The following CNTN6 variants were observed in gnomAD, a reference collection of about 807,000 sequenced individuals.
CNTN6 encodes contactin-6.
A neutral mutation model predicts 122.8 loss-of-function variants in CNTN6; 137 were observed. That is an observed-to-expected ratio of 1.12 (90% CI 0.97 to 1.29). The LOEUF (loss-of-function observed/expected upper bound fraction) is 1.29, where lower values mean the gene tolerates loss of function less well. Ranked by LOEUF, CNTN6 falls within the 50% of genes most tolerant of loss-of-function variation. The pLI is 0.00. For missense variants in CNTN6, 1,634 were observed against 1,223.4 expected, an observed-to-expected ratio of 1.34 and a Z score of -5.01; for synonymous variants, 570 against 426.0, an observed-to-expected ratio of 1.34 and a Z score of -4.16.
chr3:1,217,407 G>A (rs771727339), intron 2 of CNTN6, among the ~76,000 whole-genome samples: 1 of 152,166 alleles, frequency 6.6e-6, no homozygotes, highest in Non-Finnish European at 1.5e-5. Context: ...GTTGTGCATT[G>A]CACTGGAGGG....
intron 7 of CNTN6, among the ~76,000 whole-genome samples, chr3:1,303,277 G>T (rs1435964002): frequency 6.6e-6 from 1 of 152,152 alleles, no homozygotes; most frequent in Non-Finnish European, 1.5e-5. Flanking sequence ...TTGTATTTGA[G>T]TCTAGTTATC....
intron 2 of CNTN6, among the ~76,000 whole-genome samples, chr3:1,150,270 AAT>A (rs1430834451): frequency 6.6e-6 from 1 of 152,202 alleles, no homozygotes; most frequent in Non-Finnish European, 1.5e-5. Flanking sequence ...GCATAGTGAT[AAT>A]ATCTTGTTTT....
At chr3:1,321,374 T>C (rs562266650) in intron 7 of CNTN6, among the ~76,000 whole-genome samples, 2 of 151,326 alleles carry the variant, frequency 1.3e-5, no homozygotes, top group Admixed American at 6.6e-5. Flanking sequence ...CCCACTAGTC[T>C]GTAAGCAACA....
intron 4 of CNTN6, among the ~76,000 whole-genome samples, chr3:1,263,110 C>T (rs2094873909): frequency 6.6e-6 from 1 of 151,966 alleles, no homozygotes; most frequent in Admixed American, 6.6e-5. Context: ...TTTATAGATC[C>T]ATTCACCCAT....
At chr3:1,253,751 A>T (rs961542264) in intron 4 of CNTN6, among the ~76,000 whole-genome samples, 3 of 152,128 alleles carry the variant, frequency 2.0e-5, no homozygotes, top group African/African-American at 7.2e-5. Flanking sequence ...AGGAGGCAGA[A>T]TTCAGGCGGT....
chr3:1,243,493 G>T (rs1230177443), intron 4 of CNTN6, among the ~76,000 whole-genome samples: 1 of 152,016 alleles, frequency 6.6e-6, no homozygotes, highest in Non-Finnish European at 1.5e-5. Context: ...TTTAATGTCG[G>T]GAGCAGATTG....
At chr3:1,391,678 C>T (rs1694170395) in intron 20 of CNTN6, among the ~76,000 whole-genome samples, 1 of 150,958 alleles carries the variant, frequency 6.6e-6, no homozygotes, top group Non-Finnish European at 1.5e-5. Flanking sequence ...CCCAAAATCT[C>T]CTTAAGCTGA....
At position 1,403,327 on chromosome 3, in the gene CNTN6, C is replaced by T; in HGVS notation, c.2996C>T (p.Ser999Phe). 1 of 1,605,120 alleles carries T rather than the reference C, an allele frequency of 6.2e-7. No individual in the cohort carries two copies. Residue 999 changes from serine to phenylalanine, a missense_variant, in exon 23 of 23, where the codon TCC becomes TTC. Transcript: ENST00000446702. ...IRIPKMSSLS[S>F]RGIQFLEPST... is the part of the protein sequence containing the mutation. ...TTTTTATATTTTGCAGGTTTGAGTT[C>T]CAGAGGAATTCAATTCTTAGAACCT...
chr3:1,332,056 C>T (rs1419319957), intron 11 of CNTN6, among the ~76,000 whole-genome samples: 1 of 151,926 alleles, frequency 6.6e-6, no homozygotes, highest in African/African-American at 2.4e-5. Flanking sequence ...ATTATTCTTT[C>T]ATTCTATCTT....
At chr3:1,364,860 C>G (rs1707984408) in intron 12 of CNTN6, among the ~76,000 whole-genome samples, 1 of 151,926 alleles carries the variant, frequency 6.6e-6, no homozygotes, top group South Asian at 2.1e-4. Context: ...AAGAATAGGA[C>G]TGCTAGATGA....
chr3:1,207,352 A>G (rs2093971811), intron 2 of CNTN6, among the ~76,000 whole-genome samples: 1 of 152,176 alleles, frequency 6.6e-6, no homozygotes, highest in Non-Finnish European at 1.5e-5. Flanking sequence ...GAATCCAATT[A>G]TTATACATCT....
intron 4 of CNTN6, among the ~76,000 whole-genome samples, chr3:1,244,518 C>A: frequency 6.6e-6 from 1 of 151,764 alleles, no homozygotes; most frequent in South Asian, 2.1e-4. Flanking sequence ...CTTGGCCCTG[C>A]CCCAGGAAAG....
At chr3:1,385,883 C>CTCATT in intron 20 of CNTN6, 86 bp downstream of exon 20, 1 of 1,260,626 alleles carries the variant, frequency 7.9e-7, no homozygotes. Flanking sequence ...ATTCCCACAC[C>CTCATT]TCATTTCTTT....
intron 1 of CNTN6, among the ~76,000 whole-genome samples, chr3:1,123,255 C>T (rs981033744): frequency 6.6e-6 from 1 of 151,778 alleles, no homozygotes; most frequent in East Asian, 1.9e-4. Flanking sequence ...ACATCTTAAC[C>T]ACATTAAGCC....
intron 20 of CNTN6, among the ~76,000 whole-genome samples, chr3:1,391,561 T>G (rs1282147407): frequency 7.1e-6 from 1 of 140,828 alleles, no homozygotes; most frequent in Non-Finnish European, 1.5e-5. Context: ...CCAGGGCAAT[T>G]AGGCAGGAGA....
chr3:1,245,475 G>A (rs956836588), intron 4 of CNTN6, among the ~76,000 whole-genome samples: 27 of 148,368 alleles, frequency 1.8e-4, no homozygotes, highest in African/African-American at 4.2e-4. Context: ...TTCATATGTG[G>A]GAGCTAAGCT....
intron 9 of CNTN6, among the ~76,000 whole-genome samples, chr3:1,326,681 A>C (rs897673702): frequency 6.6e-6 from 1 of 151,900 alleles, no homozygotes; most frequent in Admixed American, 6.6e-5. Context: ...TTTACTTTGC[A>C]CATGTAGGCA....
intron 19 of CNTN6, among the ~76,000 whole-genome samples, chr3:1,385,311 A>G (rs1260061085): frequency 4.6e-5 from 7 of 152,132 alleles, no homozygotes; most frequent in African/African-American, 1.7e-4. Flanking sequence ...GACTTGTTAT[A>G]CATCATTTGC....
chr3:1,308,426 G>C (rs1698708530), intron 7 of CNTN6, among the ~76,000 whole-genome samples: 1 of 151,622 alleles, frequency 6.6e-6, no homozygotes, highest in African/African-American at 2.4e-5. Context: ...CCAAGGATAG[G>C]GTCTTGTTAT....
Sources: allele counts gnomAD v4.1 joint callset (sites outside exome capture counted in the v4.1 genomes callset), GRCh38; gene constraint gnomAD v4.1.1; transcripts MANE v1.5; gene names NCBI Gene and HGNC (gene_info 2026-07-23, HGNC 2026-07-21).